The following CPE variants were observed in gnomAD, a reference collection of about 807,000 sequenced individuals.
CPE encodes carbocypeptidase E.
A neutral mutation model predicts 53.5 loss-of-function variants in CPE; 17 were observed. The observed-to-expected ratio is 0.32, with a 90% CI of 0.22 to 0.48. The LOEUF is 0.48. CPE is among the 20% of genes least tolerant of loss of function. The pLI is 0.99. For missense variants in CPE, 524 were observed against 614.7 expected (o/e 0.85, Z 1.56); for synonymous variants, 226 against 228.8 (o/e 0.99, Z 0.11).
At position 165,387,583 on chromosome 4, in the gene CPE, G is replaced by C. The variant is rs945124883; in HGVS notation, c.307+8055G>C. On this transcript the variant is annotated intron_variant, in intron 1 of 8. Transcript: ENST00000402744. ...CCTAGCACTTTGGGAGGCCAAGGCG[G>C]GTGGATCACGAGGTCGGGAGTTCAA... 2.6e-5 allele frequency among the ~76,000 whole-genome samples: 4 copies of C among 152,228 alleles called. No homozygotes were observed. The East Asian group carries it at 5.8e-4, about 22-fold the overall frequency.
chr4:165,427,407 A>G (rs1248827004), intron 1 of CPE, among the ~76,000 whole-genome samples: 2 of 152,072 alleles, frequency 1.3e-5, no homozygotes, highest in African/African-American at 4.8e-5. Flanking sequence ...ATTTTGTCAT[A>G]AACATTTCCT....
rs574467002 is a variant in CPE, at chr4:165,450,780, A to G, written c.308-13610A>G. On this transcript the variant is annotated intron_variant, in intron 1 of 8. Transcript: ENST00000402744. ...TTTGATCATACAGTTTAGCATTTAT[A>G]ATGAATCTTGGAGCTGAAGCCATAT... Among the ~76,000 whole-genome samples, 11 of 152,330 alleles carry G rather than the reference A, an allele frequency of 7.2e-5. No individual in the cohort carries two copies. In the South Asian group the frequency reaches 1.0e-3, roughly 14 times the overall value.
chr4:165,483,725 T>A (rs933616837), intron 4 of CPE, among the ~76,000 whole-genome samples: 1 of 152,296 alleles, frequency 6.6e-6, no homozygotes, highest in African/African-American at 2.4e-5. Context: ...ATTAGTGATG[T>A]TGAGGATTTT....
intron 1 of CPE, among the ~76,000 whole-genome samples, chr4:165,430,345 CAT>C (rs1323243571): frequency 6.6e-6 from 1 of 152,140 alleles, no homozygotes; most frequent in Non-Finnish European, 1.5e-5. Flanking sequence ...TGCAAAACAA[CAT>C]ATGACAAAAT....
chr4:165,493,298 T>G, intron 7 of CPE, 28 bp downstream of exon 7: 3 of 1,441,876 alleles, frequency 2.1e-6, no homozygotes, highest in Non-Finnish European at 2.9e-6. Flanking sequence ...TTGGAGGCTC[T>G]ACGTTATGTA....
chr4:165,381,610 C>G, intron 1 of CPE: 1 of 207,122 alleles, frequency 4.8e-6, no homozygotes. Flanking sequence ...GTCTGTGTCC[C>G]TTATATTTTT....
chr4:165,465,743 A>G (rs1392652478), intron 2 of CPE, among the ~76,000 whole-genome samples: 1 of 152,136 alleles, frequency 6.6e-6, no homozygotes, highest in Non-Finnish European at 1.5e-5. Flanking sequence ...TTCTAGGTTC[A>G]TATTTTTTCA....
chr4:165,481,016 ATTT>A (rs11421146), intron 3 of CPE, among the ~76,000 whole-genome samples: 2,879 of 110,954 alleles, frequency 0.026, 113 homozygotes, highest in African/African-American at 0.086. Context: ...ATATATATAT[ATTT>A]TTTTTTTTTT....
intron 1 of CPE, among the ~76,000 whole-genome samples, chr4:165,424,962 C>T (rs1168578342): frequency 2.0e-5 from 3 of 149,908 alleles, no homozygotes; most frequent in African/African-American, 7.4e-5. Context: ...GCAACCTACA[C>T]CTCCCTGGTT....
chr4:165,391,893 G>T (rs191612448), intron 1 of CPE, among the ~76,000 whole-genome samples: 1 of 152,086 alleles, frequency 6.6e-6, no homozygotes, highest in East Asian at 1.9e-4. Context: ...CTTTGAGCAG[G>T]ACTTAAAAGA....
chr4:165,450,774 A>G (rs1731794386), intron 1 of CPE, among the ~76,000 whole-genome samples: 1 of 152,190 alleles, frequency 6.6e-6, no homozygotes, highest in Non-Finnish European at 1.5e-5. Flanking sequence ...ACAGTTTAGC[A>G]TTTATAATGA....
chr4:165,477,095 G>A (rs1026524251), intron 3 of CPE, among the ~76,000 whole-genome samples: 1 of 152,202 alleles, frequency 6.6e-6, no homozygotes, highest in African/African-American at 2.4e-5. Context: ...TATCATAGAA[G>A]AATGGTGAAA....
At chr4:165,444,119 A>G (rs1269768658) in intron 1 of CPE, among the ~76,000 whole-genome samples, 6 of 152,312 alleles carry the variant, frequency 3.9e-5, no homozygotes, top group Middle Eastern at 6.8e-3. Flanking sequence ...CCAGGCGTCA[A>G]CATATGAATT....
intron 1 of CPE, chr4:165,405,807 C>G (rs1440233456): frequency 1.2e-5 from 9 of 766,986 alleles, no homozygotes; most frequent in African/African-American, 3.4e-5. Flanking sequence ...TTTTGGGCAG[C>G]CTTTGTGTGC....
chr4:165,431,936 T>C (rs755462426), intron 1 of CPE, among the ~76,000 whole-genome samples: 9 of 151,850 alleles, frequency 5.9e-5, no homozygotes, highest in Admixed American at 4.6e-4. Context: ...ATGAGTGTAG[T>C]AGATGGGAAA....
intron 1 of CPE, chr4:165,406,200 A>G (rs1730951255): frequency 1.2e-5 from 8 of 681,784 alleles, no homozygotes; most frequent in South Asian, 5.7e-5. Context: ...TTAAATAACT[A>G]TCACATCCCC....
intron 1 of CPE, among the ~76,000 whole-genome samples, chr4:165,424,561 T>C (rs900519609): frequency 7.9e-5 from 12 of 151,540 alleles, no homozygotes; most frequent in Admixed American, 3.3e-4. Context: ...TGAGATGGAG[T>C]CTCGCTCTGT....
Position 165,487,428 on chromosome 4 carries a change from G to A in CPE, c.974-10G>A, listed in dbSNP as rs200204836. On this transcript the variant is annotated splice_polypyrimidine_tract_variant and intron_variant, in intron 5 of 8. Coordinates refer to ENST00000402744, the MANE Select transcript of CPE (RefSeq NM_001873.4). ...TGCATATTTTGACTTTCCATTTGGT[G>A]TTTTGGCAGGGATGCAAGACTTCAA... 3.7e-6 allele frequency: 6 copies of A among 1,613,542 alleles called. No individual in the cohort carries two copies. The East Asian group carries it at 6.7e-5, about 18-fold the overall frequency.
At chr4:165,457,998 C>T (rs964266111) in intron 1 of CPE, among the ~76,000 whole-genome samples, 40 of 152,170 alleles carry the variant, frequency 2.6e-4, no homozygotes, top group African/African-American at 9.2e-4. Flanking sequence ...TTCTTATTGA[C>T]GAGGTCTAGG....
Sources: allele counts gnomAD v4.1 joint callset (sites outside exome capture counted in the v4.1 genomes callset), GRCh38; gene constraint gnomAD v4.1.1; transcripts MANE v1.5; gene names NCBI Gene and HGNC (gene_info 2026-07-23, HGNC 2026-07-21).